The following AMY2B variants were observed in gnomAD, a reference collection of about 807,000 sequenced individuals.
AMY2B encodes the protein alpha-amylase 2B.
Under a neutral mutation model 59.3 loss-of-function variants are expected in AMY2B, and 63 were observed. That is an observed-to-expected ratio of 1.06 (90% CI 0.87 to 1.31). AMY2B has a LOEUF of 1.31. Ranked by LOEUF, AMY2B falls within the 50% of genes most tolerant of loss-of-function variation. The pLI, the probability that AMY2B is intolerant of heterozygous loss-of-function variation, is 0.00. For missense variants in AMY2B, 635 were observed against 626.7 expected, an observed-to-expected ratio of 1.01 and a Z score of -0.14; for synonymous variants, 180 against 198.1, an observed-to-expected ratio of 0.91 and a Z score of 0.77.
At chr1:103,573,602 C>G in intron 3 of AMY2B, 106 bp from the exon 4 acceptor site, 1 of 1,523,928 alleles carries the variant, frequency 6.6e-7, no homozygotes, top group Non-Finnish European at 9.0e-7. Flanking sequence ...AAGGAAGTCA[C>G]TATAGAATAT....
At chr1:103,575,102 T>G in intron 5 of AMY2B, 121 bp from the exon 6 acceptor site, 1 of 1,365,280 alleles carries the variant, frequency 7.3e-7, no homozygotes. Flanking sequence ...GAATAACCAT[T>G]TAATTAGAGA....
intron 1 of AMY2B, among the ~76,000 whole-genome samples, chr1:103,562,375 TG>T (rs1216827833): frequency 2.0e-5 from 3 of 152,210 alleles, no homozygotes; most frequent in African/African-American, 7.2e-5. Flanking sequence ...CAACTTATCC[TG>T]AGTTCAGGTT....
intron 7 of AMY2B, 21 bp downstream of exon 7, chr1:103,575,561 A>G (rs1413841800): frequency 6.2e-7 from 1 of 1,611,996 alleles, no homozygotes; most frequent in Non-Finnish European, 8.5e-7. Flanking sequence ...AAATTGTTCA[A>G]ACTATCCTTT....
At chr1:103,569,677 A>G, upstream of AMY2B, 1 of 386,416 alleles carries the variant, frequency 2.6e-6, no homozygotes, top group Middle Eastern at 6.8e-4. Context: ...GCACCAGGGC[A>G]TGATGGTGGG....
At chr1:103,567,667 G>T (rs1345911057), upstream of AMY2B, among the ~76,000 whole-genome samples, 1 of 152,118 alleles carries the variant, frequency 6.6e-6, no homozygotes, top group African/African-American at 2.4e-5. Flanking sequence ...GAAGCAGGGT[G>T]ATTTTCTTTT....
At chr1:103,575,037 AGTGTGTGTTTGT>A (rs1023998788) in intron 5 of AMY2B, among the ~76,000 whole-genome samples, 174 bp from the exon 6 acceptor site, 17 of 138,242 alleles carry the variant, frequency 1.2e-4, no homozygotes, top group Non-Finnish European at 2.5e-4. Context: ...TATATATTTG[AGTGTGTGTTTGT>A]GTGTGTGTAT....
intron 7 of AMY2B, among the ~76,000 whole-genome samples, chr1:103,577,055 C>A (rs1030644617): frequency 9.2e-5 from 14 of 152,262 alleles, no homozygotes; most frequent in Non-Finnish European, 1.9e-4. Flanking sequence ...GGCAAGCTAG[C>A]AAGACCTCGT....
At chr1:103,575,776 G>GAA (rs371844100) in intron 7 of AMY2B, 390 of 317,304 alleles carry the variant, frequency 1.2e-3, no homozygotes, top group Middle Eastern at 3.9e-3. Flanking sequence ...TAGCCCACAG[G>GAA]AAAAAAAAAA....
At chr1:103,569,333 TA>T, upstream of AMY2B, 2 of 162,220 alleles carry the variant, frequency 1.2e-5, no homozygotes, top group South Asian at 1.7e-4. Flanking sequence ...TTTGTGTATA[TA>T]TATATATAAA....
upstream of AMY2B, chr1:103,571,392 C>T (rs1652124731): frequency 8.3e-7 from 1 of 1,199,204 alleles, no homozygotes. Context: ...ACCAAAAAAA[C>T]ATTAATTTCT....
In AMY2B at chr1:103,575,441, G is replaced by T. The variant is rs1205039268; in HGVS notation, c.1002G>T (p.Arg334Ser). Residue 334 changes from arginine to serine, a missense_variant and splice_region_variant, in exon 7 of 10, where the codon AGG (arginine) becomes AGT (serine). Physicochemically the swap from Arg to Ser is moderately radical, Grantham distance 110. Transcript: ENST00000684275. The part of the protein sequence containing the change: ...GASILTFWDA[R>S]LYKMAVGFML... ...GATAATATAATTATGTAACTTTCAG[G>T]CTGTATAAAATGGCAGTTGGATTTA... 6.2e-7 allele frequency: 1 copy of T among 1,613,376 alleles called. No individual in the cohort carries two copies. Among genetic ancestry groups the T allele is most frequent in the Admixed American group, 1.7e-5 (1 of 59,930 alleles).
chr1:103,574,018 T>A (rs1652245743), intron 4 of AMY2B, 80 bp downstream of exon 4: 1 of 1,607,588 alleles, frequency 6.2e-7, no homozygotes, highest in South Asian at 1.1e-5. Flanking sequence ...AAATGCAATT[T>A]CTATAGGATA....
At chr1:103,577,078 T>A (rs1474503917) in intron 7 of AMY2B, among the ~76,000 whole-genome samples, 1 of 152,006 alleles carries the variant, frequency 6.6e-6, no homozygotes, top group Non-Finnish European at 1.5e-5. Flanking sequence ...TTACTGAAAA[T>A]TTTTTAAAAA....
At chr1:103,575,653 C>T in intron 7 of AMY2B, 113 bp downstream of exon 7, 3 of 1,478,588 alleles carry the variant, frequency 2.0e-6, no homozygotes, top group South Asian at 1.3e-5. Context: ...TGATTAGAAA[C>T]CTGATATAGG....
chr1:103,562,360 C>A (rs889267490), intron 1 of AMY2B, among the ~76,000 whole-genome samples: 3 of 152,170 alleles, frequency 2.0e-5, no homozygotes, highest in Non-Finnish European at 4.4e-5. Flanking sequence ...CTAACCTTTA[C>A]ATTGCAACTT....
At chr1:103,559,546 G>T (rs561800320) in intron 1 of AMY2B, among the ~76,000 whole-genome samples, 1 of 152,108 alleles carries the variant, frequency 6.6e-6, no homozygotes, top group African/African-American at 2.4e-5. Flanking sequence ...ATTTACACTG[G>T]GAAGCCTTCA....
intron 1 of AMY2B, chr1:103,565,079 C>G (rs1428747256): frequency 2.6e-5 from 4 of 152,160 alleles, no homozygotes; most frequent in Admixed American, 2.0e-4. Context: ...AACATTTCCC[C>G]TCTATTCCAG....
Position 103,577,579 on chromosome 1 carries a change from G to A in AMY2B, c.1191G>A (p.Trp397Ter), listed in dbSNP as rs772402281. The A allele has an allele frequency of 2.7e-5, 44 of 1,611,778 alleles. No homozygotes were observed. The highest frequency in any genetic ancestry group is 3.6e-5 in the Non-Finnish European group (43 of 1,179,818). ...CAGACACTACTTGTGGCAATGACTG[G>A]GTCTGTGAACATCGATGGCGCCAAA... ...INPDTTCGND[W>*]VCEHRWRQIR... is the part of the protein sequence containing the mutation. The change falls in exon 8 of 10, where the codon TGG becomes TGA. Residue 397 changes from tryptophan (W) to a stop codon, truncating the protein, a stop_gained. Coordinates refer to ENST00000684275, the MANE Select transcript of AMY2B (RefSeq NM_001387437.1). LOFTEE classifies it high-confidence loss of function.
upstream of AMY2B, chr1:103,569,104 C>T (rs1229421710): frequency 6.6e-6 from 1 of 152,060 alleles, no homozygotes; most frequent in African/African-American, 2.4e-5. Flanking sequence ...ATCATGAAAA[C>T]ATCTGTATGG....
Sources: allele counts gnomAD v4.1 joint callset (sites outside exome capture counted in the v4.1 genomes callset), GRCh38; gene constraint gnomAD v4.1.1; transcripts MANE v1.5; gene names NCBI Gene and HGNC (gene_info 2026-07-23, HGNC 2026-07-21).